TMEM131: variants seen among roughly 807,000 people sequenced by gnomAD.
TMEM131 encodes 2610524E03Rik.
In TMEM131, 66 loss-of-function variants were observed where a neutral mutation model predicts 211.6. The ratio of observed to expected loss-of-function variants is 0.31; its 90% CI spans 0.26 to 0.38. TMEM131 has a LOEUF of 0.38. Among genes scored for constraint, TMEM131 ranks in the 10% least tolerant of loss-of-function variants. TMEM131 has a pLI of 1.00. For synonymous variants in TMEM131, 844 were observed against 841.3 expected (o/e 1.00, Z -0.06); for missense variants, 2,036 against 2,299.3 (o/e 0.89, Z 2.34).
intron 36 of TMEM131, chr2:97,761,774 A>G (rs1226642814): frequency 5.2e-6 from 2 of 387,390 alleles, no homozygotes; most frequent in African/African-American, 4.2e-5. Flanking sequence ...ATATCACTCT[A>G]GTGAGTTAAA....
intron 40 of TMEM131, among the ~76,000 whole-genome samples, chr2:97,757,625 T>A (rs979567705): frequency 6.6e-6 from 1 of 152,174 alleles, no homozygotes; most frequent in Non-Finnish European, 1.5e-5. Context: ...AGCCTCAAAC[T>A]CCTGGGCTCA....
At chr2:97,821,792 G>A (rs539076393) in intron 11 of TMEM131, among the ~76,000 whole-genome samples, 87 of 152,238 alleles carry the variant, frequency 5.7e-4, no homozygotes, top group African/African-American at 1.2e-3. Flanking sequence ...CACAGCCACC[G>A]GACTAAAGAC....
intron 3 of TMEM131, among the ~76,000 whole-genome samples, chr2:97,896,868 T>A (rs1434414522): frequency 6.8e-6 from 1 of 148,098 alleles, no homozygotes; most frequent in African/African-American, 2.5e-5. Flanking sequence ...TATCAATTTC[T>A]AAAAAAAAAA....
chr2:97,799,343 A>C (rs907664327), intron 25 of TMEM131, among the ~76,000 whole-genome samples: 4 of 152,036 alleles, frequency 2.6e-5, no homozygotes, highest in Non-Finnish European at 5.9e-5. Flanking sequence ...ATTCTGTGGG[A>C]TACAATGGGA....
At chr2:97,766,357 A>G in intron 34 of TMEM131, 94 bp from the exon 35 acceptor site, 2 of 1,595,946 alleles carry the variant, frequency 1.3e-6, no homozygotes, top group Non-Finnish European at 1.7e-6. Context: ...ACAAGAACAC[A>G]GCCTTAGCCT....
intron 31 of TMEM131, among the ~76,000 whole-genome samples, chr2:97,789,646 A>C (rs925722518): frequency 1.3e-5 from 2 of 152,218 alleles, no homozygotes; most frequent in Admixed American, 6.5e-5. Context: ...CCAAAGCCAG[A>C]AACGAGAATG....
rs770210418 is a variant in TMEM131 at position 97,775,916 on chromosome 2, G to A, written c.4247C>T (p.Ser1416Phe). 1 of 1,613,956 alleles carries A rather than the reference G, an allele frequency of 6.2e-7. No individual in the cohort carries two copies. Among genetic ancestry groups the A allele is most frequent in the East Asian group, 2.2e-5 (1 of 44,884 alleles). Residue 1416 changes from serine to phenylalanine, a missense_variant, in exon 32 of 41, where the codon TCT (serine) becomes TTT (phenylalanine). Transcript: ENST00000186436. The part of the protein sequence containing the change: ...GKPQEDELKD[S>F]LADDDSSSTT... ...GGAGGAGCTATCATCATCAGCCAAA[G>A]AGTCCTTCAGCTCATCTTCCTGTGG...
rs752706902 is a variant in TMEM131 at position 97,841,878 on chromosome 2, G to T, written c.660C>A (p.Val220=). Residue 220 remains valine (V), a synonymous_variant, in exon 7 of 41, where the codon GTC becomes GTA. Transcript: ENST00000186436. ...YRLRPFLGAR[V]PVNSSFSPII... ...TAGGTGAGAAACTGCTATTCACAGG[G>T]ACTCTGGCCCCAAGGAACGGCCTCA... 1.3e-6 allele frequency: 2 copies of T among 1,597,774 alleles called. No individual in the cohort carries two copies. The highest frequency in any genetic ancestry group is 2.3e-5 in the South Asian group (2 of 88,138).
At chr2:97,907,175 G>A (rs1476679067) in intron 3 of TMEM131, 1 of 152,144 alleles carries the variant, frequency 6.6e-6, no homozygotes, top group Non-Finnish European at 1.5e-5. Context: ...TCCAGCCAAG[G>A]AGGAATCAGG....
chr2:97,877,111 C>T (rs978548572), intron 4 of TMEM131, among the ~76,000 whole-genome samples: 21 of 152,052 alleles, frequency 1.4e-4, no homozygotes, highest in African/African-American at 4.6e-4. Context: ...ACAATTGCTA[C>T]GAAGAGAACA....
chr2:97,860,713 G>C (rs1039798609), intron 4 of TMEM131, among the ~76,000 whole-genome samples: 6 of 152,170 alleles, frequency 3.9e-5, no homozygotes, highest in African/African-American at 1.2e-4. Context: ...GGCAGGGCAT[G>C]ATGGCCAAAT....
At chr2:97,865,557 A>G (rs1674238034) in intron 4 of TMEM131, among the ~76,000 whole-genome samples, 3 of 151,906 alleles carry the variant, frequency 2.0e-5, no homozygotes, top group Non-Finnish European at 2.9e-5. Flanking sequence ...CCCTGTATTG[A>G]TTTTTTCAAT....
intron 13 of TMEM131, among the ~76,000 whole-genome samples, chr2:97,814,638 A>C (rs570190820): frequency 6.6e-6 from 1 of 152,208 alleles, no homozygotes; most frequent in African/African-American, 2.4e-5. Flanking sequence ...AATCAAAGAC[A>C]TATCAACAAA....
chr2:97,933,952 G>C (rs917139364), intron 1 of TMEM131, among the ~76,000 whole-genome samples: 1 of 151,960 alleles, frequency 6.6e-6, no homozygotes, highest in Non-Finnish European at 1.5e-5. Flanking sequence ...TGAATATATA[G>C]GCCCTGAGAC....
chr2:97,805,288 A>T, intron 21 of TMEM131, 83 bp from the exon 22 acceptor site: 5 of 1,558,980 alleles, frequency 3.2e-6, no homozygotes, highest in Non-Finnish European at 4.4e-6. Flanking sequence ...AACAAAAGAC[A>T]GCAATGTACT....
intron 2 of TMEM131, among the ~76,000 whole-genome samples, chr2:97,909,085 A>C (rs1049021591): frequency 6.6e-6 from 1 of 152,314 alleles, no homozygotes; most frequent in South Asian, 2.1e-4. Flanking sequence ...GGAGATAGTC[A>C]TTTAAAAATA....
chr2:97,761,827 A>T, intron 36 of TMEM131: 1 of 533,482 alleles, frequency 1.9e-6, no homozygotes, highest in Non-Finnish European at 3.2e-6. Context: ...TGAATGGATT[A>T]GAATGGGAAC....
intron 35 of TMEM131, chr2:97,764,876 G>A (rs953934677): frequency 4.6e-5 from 7 of 152,210 alleles, no homozygotes; most frequent in Admixed American, 1.3e-4. Context: ...CTGCTCTCCC[G>A]GCAGCATGGT....
At position 97,766,225 on chromosome 2, in the gene TMEM131, C is replaced by G. The variant is rs1338758114; in HGVS notation, c.4612G>C (p.Ala1538Pro). 3 of 1,613,914 alleles carry G rather than the reference C, an allele frequency of 1.9e-6. No individual in the cohort carries two copies. Among genetic ancestry groups the G allele is most frequent in the South Asian group, 2.2e-5 (2 of 91,092 alleles). The stretch of plus-strand genomic sequence containing the variant: ...TCTTGACTATTCGGGAGGAATTTTG[C>G]TAGGGCAGGTGGTCTGTTATCCACT... Reference protein sequence around the residue: ...KLVDNRPPALAKFLPNSQELG... With the variant: ...KLVDNRPPALPKFLPNSQELG... The change falls in exon 35 of 41, where the codon GCA (alanine) becomes CCA (proline). Residue 1538 changes from alanine (A) to proline (P), a missense_variant. Transcript: ENST00000186436.
Sources: allele counts gnomAD v4.1 joint callset (sites outside exome capture counted in the v4.1 genomes callset), GRCh38; gene constraint gnomAD v4.1.1; transcripts MANE v1.5; gene names NCBI Gene and HGNC (gene_info 2026-07-23, HGNC 2026-07-21).